The following DERA variants were observed in gnomAD, a reference collection of about 807,000 sequenced individuals.
DERA encodes the protein deoxyribose-phosphate aldolase, also known as 2-deoxy-D-ribose 5-phosphate aldolase.
A neutral mutation model predicts 41.1 loss-of-function variants in DERA; 15 were observed. The observed-to-expected ratio is 0.37, with a 90% confidence interval of 0.24 to 0.56. The LOEUF is 0.56. DERA is among the 20% of genes least tolerant of loss of function. DERA has a pLI of 0.81. For missense variants in DERA, 396 were observed against 403.4 expected (o/e 0.98, Z 0.16); for synonymous variants, 139 against 137.4 (o/e 1.01, Z -0.08).
rs746750892 is a variant in DERA, at chr12:15,958,269, C to G, written c.211C>G (p.Leu71Val). 3.6e-5 allele frequency: 57 copies of G among 1,599,620 alleles called. No individual in the cohort carries two copies. The highest frequency in any genetic ancestry group is 4.8e-5 in the Non-Finnish European group (56 of 1,172,426). ...TGATACATCTTCCAACATTCAAAGGCTCTGTTATAAAGCCAAATACCCAAT... is the reference window on the plus strand; with the variant it reads ...TGATACATCTTCCAACATTCAAAGGGTCTGTTATAAAGCCAAATACCCAAT... ...GDDTSSNIQR[L>V]CYKAKYPIRE... Residue 71 changes from leucine to valine, a missense_variant, in exon 3 of 9, where the codon CTC becomes GTC. By Grantham distance (32) the Leu-to-Val change is conservative. Transcript: ENST00000428559.
chr12:16,021,616 C>G lies in DERA; in HGVS notation c.638-10926C>G, dbSNP rs753973330. On this transcript the variant is annotated intron_variant, in intron 6 of 8. Transcript: ENST00000428559. The surrounding 1 kb of genome is among the most constrained non-coding windows in gnomAD (Gnocchi z 5.3). ...TAGAGCCACCAGCAGTTTGCAACTACCACATGGAAAAGCCACAGGGCAGAG... is the reference window on the plus strand; with the variant it reads ...TAGAGCCACCAGCAGTTTGCAACTAGCACATGGAAAAGCCACAGGGCAGAG... Among the ~76,000 whole-genome samples, 2 of 152,214 alleles carry G rather than the reference C, an allele frequency of 1.3e-5. No individual in the cohort carries two copies.
intron 4 of DERA, among the ~76,000 whole-genome samples, chr12:15,961,161 G>A (rs1948585076): frequency 6.6e-6 from 1 of 152,204 alleles, no homozygotes; most frequent in Non-Finnish European, 1.5e-5. Context: ...AGTACATGCA[G>A]GACCTGATAA....
chr12:15,991,844 C>G (rs1249230702), intron 6 of DERA, among the ~76,000 whole-genome samples: 20 of 152,032 alleles, frequency 1.3e-4, no homozygotes, highest in Non-Finnish European at 1.9e-4. Flanking sequence ...TGGAAACATT[C>G]CAGGTACTTC....
rs532236903 is a variant in DERA, at chr12:16,002,845, C to T, written c.637+20409C>T. Among the ~76,000 whole-genome samples, 15 of 152,298 alleles carry T rather than the reference C, an allele frequency of 9.8e-5. No individual in the cohort carries two copies. In the East Asian group the frequency reaches 2.3e-3, roughly 24 times the overall value. ...GTTTCTTGGCTATGTCCTCCTTCCT[C>T]ATGTCATGTCATTTTTAAAATCTCC... On this transcript the variant is annotated intron_variant, in intron 6 of 8. Transcript: ENST00000428559.
chr12:15,930,634 A>G (rs1004400070), intron 1 of DERA, among the ~76,000 whole-genome samples: 2 of 152,192 alleles, frequency 1.3e-5, no homozygotes, highest in East Asian at 1.9e-4. Context: ...ATTTAAATAT[A>G]TAAGTTTTAA....
At chr12:15,956,518 T>G in intron 1 of DERA, 1 of 350,498 alleles carries the variant, frequency 2.9e-6, no homozygotes, top group Non-Finnish European at 5.5e-6. Flanking sequence ...AGCCCCACCA[T>G]TAGTTCACTT....
chr12:15,950,404 T>C (rs1948488594), intron 1 of DERA, among the ~76,000 whole-genome samples: 1 of 152,212 alleles, frequency 6.6e-6, no homozygotes, highest in Non-Finnish European at 1.5e-5. Flanking sequence ...CAGAGGTCAC[T>C]CTCATAGCCA....
At chr12:15,934,030 C>G (rs1948347975) in intron 1 of DERA, among the ~76,000 whole-genome samples, 1 of 152,132 alleles carries the variant, frequency 6.6e-6, no homozygotes, top group African/African-American at 2.4e-5. Context: ...GTTGGTTGTA[C>G]TAGGATAAAG....
At chr12:16,023,470 A>G (rs1429458442) in intron 6 of DERA, among the ~76,000 whole-genome samples, 2 of 144,244 alleles carry the variant, frequency 1.4e-5, no homozygotes, top group Non-Finnish European at 3.0e-5. Flanking sequence ...AAAAACTCAA[A>G]GTCTTTTTTT....
At chr12:15,973,915 T>A (rs1325303851) in intron 5 of DERA, among the ~76,000 whole-genome samples, 1 of 152,154 alleles carries the variant, frequency 6.6e-6, no homozygotes, top group Non-Finnish European at 1.5e-5. Flanking sequence ...TATCAAATTA[T>A]TTTTTAACTT....
rs1332964875 is a variant in DERA at position 16,000,625 on chromosome 12, G to A, written c.637+18189G>A. Among the ~76,000 whole-genome samples, 1 of 152,180 alleles carries A rather than the reference G, an allele frequency of 6.6e-6. No homozygotes were observed. Among genetic ancestry groups the A allele is most frequent in the Non-Finnish European group, 1.5e-5 (1 of 68,046 alleles). On this transcript the variant is annotated intron_variant, in intron 6 of 8. Coordinates refer to ENST00000428559, the MANE Select transcript of DERA (RefSeq NM_015954.4). This position sits in a 1 kb window ranked among gnomAD's most constrained non-coding sequence, Gnocchi z 4.8. ...GCTGCTAAATTGGCCAGGGACAACG[G>A]AGGAGGAACTGAATAGTCAATGAAA...
rs1555149781 is a variant in DERA, at chr12:15,936,841, C to CTGTCTTGTGT, written c.32-20086_32-20077dup. ...GTCATTTAACTTATTTCTGCATCTT[C>CTGTCTTGTGT]TGTCTTGTGTTGTCTTGTCTTGTCT... On this transcript the variant is annotated intron_variant, in intron 1 of 8. Coordinates refer to ENST00000428559, the MANE Select transcript of DERA (RefSeq NM_015954.4). This position sits in a 1 kb window ranked among gnomAD's most constrained non-coding sequence, Gnocchi z 4.6. 9.4e-5 allele frequency among the ~76,000 whole-genome samples: 13 copies of CTGTCTTGTGT among 138,292 alleles called. No individual in the cohort carries two copies. The highest frequency in any genetic ancestry group is 3.4e-4 in the African/African-American group (12 of 35,382). 90.7% of individuals were successfully genotyped at this position (138,292 alleles called of 152,430 possible).
chr12:15,962,751 C>T (rs2136150094), intron 4 of DERA, 62 bp from the exon 5 acceptor site: 2 of 1,449,530 alleles, frequency 1.4e-6, no homozygotes, highest in Non-Finnish European at 1.9e-6. Context: ...CCCTCCCCCC[C>T]TTGCTTACTT....
chr12:15,980,773 C>A (rs1466411110), intron 5 of DERA, among the ~76,000 whole-genome samples: 2 of 152,142 alleles, frequency 1.3e-5, no homozygotes, highest in African/African-American at 4.8e-5. Context: ...TGGTAACAAA[C>A]TTTCTAAACT....
intron 6 of DERA, among the ~76,000 whole-genome samples, chr12:15,997,229 A>G (rs564903365): frequency 4.5e-4 from 68 of 152,290 alleles, no homozygotes; most frequent in African/African-American, 1.5e-3. Context: ...AGACTACACA[A>G]TGTACCATAA....
intron 1 of DERA, among the ~76,000 whole-genome samples, chr12:15,949,502 C>T (rs573391835): frequency 7.9e-5 from 12 of 152,280 alleles, no homozygotes; most frequent in East Asian, 5.8e-4. Flanking sequence ...CTGAGCCGGG[C>T]GTGGGATATA....
chr12:15,962,227 G>A (rs1048841934), intron 4 of DERA, among the ~76,000 whole-genome samples: 6 of 152,184 alleles, frequency 3.9e-5, no homozygotes, highest in African/African-American at 1.4e-4. Flanking sequence ...CAATTTGGTG[G>A]ACTAATTAGG....
intron 1 of DERA, among the ~76,000 whole-genome samples, chr12:15,916,983 C>T (rs1948205097): frequency 1.3e-5 from 2 of 152,106 alleles, no homozygotes; most frequent in Admixed American, 1.3e-4. Flanking sequence ...TTTAGAGTGA[C>T]TTTTTTGTCC....
intron 1 of DERA, among the ~76,000 whole-genome samples, chr12:15,932,122 A>G (rs1332446466): frequency 6.6e-6 from 1 of 152,246 alleles, no homozygotes; most frequent in Admixed American, 6.5e-5. Context: ...TAATGTAACC[A>G]AGATATTGAC....
Sources: allele counts gnomAD v4.1 joint callset (sites outside exome capture counted in the v4.1 genomes callset), GRCh38; gene constraint gnomAD v4.1.1; non-coding constraint Gnocchi (gnomAD v3.1); transcripts MANE v1.5; gene names NCBI Gene and HGNC (gene_info 2026-07-23, HGNC 2026-07-21).